Variants in FSTL5 observed in about 807,000 individuals in gnomAD.
FSTL5 encodes follistatin-related protein 5.
Under a neutral mutation model 89.1 loss-of-function variants are expected in FSTL5, and 62 were observed. The ratio of observed to expected loss-of-function variants is 0.70; its 90% CI spans 0.57 to 0.86. FSTL5 has a LOEUF of 0.86. Among genes scored for constraint, FSTL5 ranks in the 40% least tolerant of loss-of-function variants. The probability of loss-of-function intolerance (pLI) is 0.00; values close to 1 mark genes in which losing one functional copy is unlikely to be tolerated. For missense variants in FSTL5, 1,057 were observed against 1,001.6 expected, an observed-to-expected ratio of 1.06 and a Z score of -0.75; for synonymous variants, 383 against 346.2, an observed-to-expected ratio of 1.11 and a Z score of -1.18.
chr4:161,409,480 C>T (rs1264079328), intron 15 of FSTL5, among the ~76,000 whole-genome samples: 1 of 152,006 alleles, frequency 6.6e-6, no homozygotes, highest in African/African-American at 2.4e-5. Context: ...CTCCCAGGTT[C>T]AAGCTATTCT....
At chr4:161,897,429 C>G (rs1202037727) in intron 4 of FSTL5, among the ~76,000 whole-genome samples, 2 of 150,946 alleles carry the variant, frequency 1.3e-5, no homozygotes, top group Non-Finnish European at 3.0e-5. Context: ...AAATTTAATT[C>G]CTAGAATATG....
At position 162,052,339 on chromosome 4, in the gene FSTL5, G is replaced by A. The variant is rs576505259; in HGVS notation, c.127-18681C>T. On this transcript the variant is annotated intron_variant, in intron 2 of 15. Coordinates refer to ENST00000306100, the MANE Select transcript of FSTL5 (RefSeq NM_020116.5). ...CCTTAAGTGGCTACCTTTGATGGCCGCACCCAAATGCTTTTGTAGATGATT... is the reference window on the plus strand; with the variant it reads ...CCTTAAGTGGCTACCTTTGATGGCCACACCCAAATGCTTTTGTAGATGATT... 9.2e-5 allele frequency among the ~76,000 whole-genome samples: 14 copies of A among 151,548 alleles called. No individual in the cohort carries two copies. In the East Asian group the frequency reaches 1.7e-3, roughly 19 times the overall value.
rs369827281 is a variant in FSTL5 at position 161,620,512 on chromosome 4, C to T, written c.895-32937G>A. The stretch of plus-strand genomic sequence containing the variant: ...TCTACTAAAAATACAAAAAATTAGC[C>T]GGGCGCGGTGGCAGGCGCCTGTAAT... On this transcript the variant is annotated intron_variant, in intron 7 of 15. Coordinates refer to ENST00000306100, the MANE Select transcript of FSTL5 (RefSeq NM_020116.5). 4.3e-4 allele frequency among the ~76,000 whole-genome samples: 65 copies of T among 152,006 alleles called. No individual in the cohort carries two copies. In the South Asian group the frequency reaches 0.012, roughly 29 times the overall value.
At chr4:161,775,037 A>G (rs1020410934) in intron 5 of FSTL5, among the ~76,000 whole-genome samples, 4 of 152,186 alleles carry the variant, frequency 2.6e-5, no homozygotes, top group African/African-American at 9.6e-5. Flanking sequence ...TTTTTAAATT[A>G]AGTTACACTA....
intron 7 of FSTL5, among the ~76,000 whole-genome samples, chr4:161,642,653 T>C (rs1736005778): frequency 6.6e-6 from 1 of 152,182 alleles, no homozygotes; most frequent in Admixed American, 6.5e-5. Flanking sequence ...TTACATTTGA[T>C]AAGACAGGGA....
At chr4:161,436,867 A>G (rs1013066108) in intron 15 of FSTL5, among the ~76,000 whole-genome samples, 1 of 152,202 alleles carries the variant, frequency 6.6e-6, no homozygotes, top group Admixed American at 6.5e-5. Flanking sequence ...AAAGTTTTCA[A>G]AGAAGTTAGC....
chr4:161,920,394 C>A lies in FSTL5; in HGVS notation c.409+10G>T, dbSNP rs981728204. On this transcript the variant is annotated intron_variant, in intron 4 of 15. Transcript: ENST00000306100. ...AGTGGGGTGACACTTAAGGTTCACC[C>A]TTCATTTACCTTTAAAGAAGCAGTC... is the stretch of plus-strand genomic sequence containing the variant. The A allele has an allele frequency of 1.2e-6, 2 of 1,612,478 alleles. No individual in the cohort carries two copies. Among genetic ancestry groups the A allele is most frequent in the Admixed American group, 3.3e-5 (2 of 59,920 alleles).
intron 6 of FSTL5, among the ~76,000 whole-genome samples, chr4:161,725,073 G>C (rs995462325): frequency 6.6e-6 from 1 of 152,112 alleles, no homozygotes; most frequent in Non-Finnish European, 1.5e-5. Flanking sequence ...TCACGTGCCT[G>C]TAGTCCCAGC....
chr4:161,689,252 G>A (rs912181761), intron 6 of FSTL5, among the ~76,000 whole-genome samples: 9 of 152,088 alleles, frequency 5.9e-5, no homozygotes, highest in African/African-American at 2.2e-4. Flanking sequence ...AACTCTATAA[G>A]AGAAAGCATT....
At chr4:161,747,732 A>G (rs1351090945) in intron 6 of FSTL5, among the ~76,000 whole-genome samples, 1 of 152,226 alleles carries the variant, frequency 6.6e-6, no homozygotes, top group African/African-American at 2.4e-5. Flanking sequence ...ACATTTTACA[A>G]TGAGTGCATT....
intron 15 of FSTL5, among the ~76,000 whole-genome samples, chr4:161,454,407 TTAA>T (rs1166967846): frequency 6.6e-6 from 1 of 152,214 alleles, no homozygotes; most frequent in African/African-American, 2.4e-5. Flanking sequence ...TAACTAGAAG[TTAA>T]TATTACTTTT....
At chr4:161,615,317 T>G (rs1308910241) in intron 7 of FSTL5, among the ~76,000 whole-genome samples, 3 of 55,536 alleles carry the variant, frequency 5.4e-5, no homozygotes, top group African/African-American at 8.6e-5. Context: ...AAAAAAAAAA[T>G]TAGCTGGGCA....
At chr4:162,131,847 T>G (rs2045276666) in intron 1 of FSTL5, among the ~76,000 whole-genome samples, 1 of 152,212 alleles carries the variant, frequency 6.6e-6, no homozygotes, top group South Asian at 2.1e-4. Flanking sequence ...ATATTTACAC[T>G]TATCAGATTT....
intron 2 of FSTL5, among the ~76,000 whole-genome samples, chr4:162,035,950 T>C (rs1377340084): frequency 6.6e-6 from 1 of 152,074 alleles, no homozygotes; most frequent in Non-Finnish European, 1.5e-5. Flanking sequence ...ACTTATTCCT[T>C]CTTCACCTGT....
intron 6 of FSTL5, among the ~76,000 whole-genome samples, chr4:161,718,067 A>G (rs1398142075): frequency 6.6e-6 from 1 of 152,020 alleles, no homozygotes; most frequent in Admixed American, 6.5e-5. Flanking sequence ...CAACTGGTAT[A>G]CTTTTATAAT....
At chr4:161,496,451 G>A (rs901429795) in intron 12 of FSTL5, among the ~76,000 whole-genome samples, 8 of 152,076 alleles carry the variant, frequency 5.3e-5, no homozygotes, top group African/African-American at 1.9e-4. Context: ...ATGTTTATGG[G>A]CTTCCTCTAA....
At chr4:162,114,203 T>G (rs1183110600) in intron 1 of FSTL5, among the ~76,000 whole-genome samples, 2 of 152,290 alleles carry the variant, frequency 1.3e-5, no homozygotes, top group Admixed American at 6.5e-5. Flanking sequence ...GTCATTTTGA[T>G]GTATAGCCTA....
intron 4 of FSTL5, among the ~76,000 whole-genome samples, chr4:161,894,294 C>T (rs969153225): frequency 4.6e-5 from 7 of 152,046 alleles, no homozygotes; most frequent in Admixed American, 1.3e-4. Flanking sequence ...AAATCAAGGA[C>T]AAAATTTGTA....
At chr4:161,712,596 GT>G (rs1015482664) in intron 6 of FSTL5, among the ~76,000 whole-genome samples, 57 of 152,156 alleles carry the variant, frequency 3.7e-4, no homozygotes, top group African/African-American at 1.3e-3. Flanking sequence ...ATGATACATG[GT>G]TGCTGAGATG....
Sources: gnomAD v4.1 joint callset for allele counts (sites outside exome capture counted in the v4.1 genomes callset) on GRCh38, gnomAD v4.1.1 for gene constraint, MANE v1.5 for transcripts, NCBI Gene and HGNC (gene_info 2026-07-23, HGNC 2026-07-21) for gene names.